Variants in SYNDIG1L observed in about 807,000 individuals in gnomAD.
SYNDIG1L encodes synapse differentiation inducing 1 like.
A neutral mutation model predicts 20.1 loss-of-function variants in SYNDIG1L; 13 were observed. The observed-to-expected ratio is 0.65, with a 90% confidence interval of 0.42 to 1.03. The LOEUF is 1.03. SYNDIG1L is among the 50% of genes least tolerant of loss of function. The pLI, the probability that SYNDIG1L is intolerant of heterozygous loss-of-function variation, is 0.00. For missense variants in SYNDIG1L, 294 were observed against 305.1 expected, an observed-to-expected ratio of 0.96 and a Z score of 0.27; for synonymous variants, 128 against 129.3, an observed-to-expected ratio of 0.99 and a Z score of 0.07.
At chr14:74,462,680 A>AT in the SYNDIG1L span, among the ~76,000 whole-genome samples, 2 of 151,494 alleles carry the variant, frequency 1.3e-5, no homozygotes, top group Admixed American at 6.6e-5. Flanking sequence ...TAATTTTTGT[A>AT]TTTTTTACAG....
chr14:74,474,112 G>C, the SYNDIG1L span: 34,421 of 152,100 alleles, frequency 0.23, 4,333 homozygotes, highest in African/African-American at 0.33. Context: ...GTATGAATAG[G>C]CTTTGTATTT....
At chr14:74,452,758 C>G in the SYNDIG1L span, among the ~76,000 whole-genome samples, 1 of 152,142 alleles carries the variant, frequency 6.6e-6, no homozygotes, top group African/African-American at 2.4e-5. Context: ...GAAAAGAAAG[C>G]ATAAGTCTGT....
At chr14:74,431,469 C>T in the SYNDIG1L span, among the ~76,000 whole-genome samples, 1 of 152,068 alleles carries the variant, frequency 6.6e-6, no homozygotes, top group East Asian at 1.9e-4. Context: ...AAAAAGAGTC[C>T]ATTTTGACTG....
At chr14:74,434,305 T>G in the SYNDIG1L span, among the ~76,000 whole-genome samples, 1 of 152,058 alleles carries the variant, frequency 6.6e-6, no homozygotes, top group Admixed American at 6.6e-5. Context: ...TGAAGACTCA[T>G]CCTCTCTCTC....
the SYNDIG1L span, among the ~76,000 whole-genome samples, chr14:74,475,139 A>ACAAATGCATGG: frequency 3.3e-5 from 5 of 152,216 alleles, no homozygotes; most frequent in East Asian, 9.7e-4. Flanking sequence ...AATTTGGAAG[A>ACAAATGCATGG]CAAATGCATG....
chr14:74,460,387 G>T, the SYNDIG1L span, among the ~76,000 whole-genome samples: 2 of 152,060 alleles, frequency 1.3e-5, no homozygotes. Context: ...CCACCAGCTT[G>T]GTCACTCTAC....
chr14:74,476,511 T>C, the SYNDIG1L span: 4 of 1,535,438 alleles, frequency 2.6e-6, no homozygotes, highest in Non-Finnish European at 2.6e-6. Context: ...AATCTCAGGC[T>C]CTTAGTCTCC....
the SYNDIG1L span, among the ~76,000 whole-genome samples, chr14:74,476,842 T>C: frequency 6.6e-6 from 1 of 152,124 alleles, no homozygotes; most frequent in Non-Finnish European, 1.5e-5. Flanking sequence ...ATTTAGTTGC[T>C]AGTCAACTGA....
the SYNDIG1L span, among the ~76,000 whole-genome samples, chr14:74,470,341 C>A: frequency 6.6e-6 from 1 of 152,192 alleles, no homozygotes; most frequent in Admixed American, 6.5e-5. Flanking sequence ...CCTTGGCTTG[C>A]TACATTTTGC....
the SYNDIG1L span, among the ~76,000 whole-genome samples, chr14:74,450,776 T>C: frequency 6.6e-6 from 1 of 152,192 alleles, no homozygotes; most frequent in Non-Finnish European, 1.5e-5. Flanking sequence ...AAAGAACTCT[T>C]GTAATTCAAT....
At chr14:74,429,570 C>T (rs1450100596), upstream of SYNDIG1L, among the ~76,000 whole-genome samples, 1 of 152,246 alleles carries the variant, frequency 6.6e-6, no homozygotes, top group Non-Finnish European at 1.5e-5. Context: ...GACAGGTGAG[C>T]CCCACCCCTG....
intron 1 of SYNDIG1L, among the ~76,000 whole-genome samples, chr14:74,413,650 T>C (rs2086151040): frequency 6.6e-6 from 1 of 152,028 alleles, no homozygotes; most frequent in Non-Finnish European, 1.5e-5. Flanking sequence ...CAGAAAAAAA[T>C]TAAGTGCATA....
chr14:74,442,149 C>T, the SYNDIG1L span, among the ~76,000 whole-genome samples: 1 of 151,876 alleles, frequency 6.6e-6, no homozygotes, highest in East Asian at 1.9e-4. Context: ...CTACAAATAT[C>T]TGTTGAATGT....
At chr14:74,415,838 G>A (rs150808827) in intron 1 of SYNDIG1L, among the ~76,000 whole-genome samples, 2 of 151,888 alleles carry the variant, frequency 1.3e-5, no homozygotes, top group East Asian at 1.9e-4. Flanking sequence ...TCAAAAAGGA[G>A]GCAAGAAAAA....
chr14:74,446,250 C>G, the SYNDIG1L span, among the ~76,000 whole-genome samples: 1 of 152,020 alleles, frequency 6.6e-6, no homozygotes, highest in African/African-American at 2.4e-5. Flanking sequence ...AGAGAAACAG[C>G]CTAAATATTC....
At chr14:74,453,375 AAAAAAAAAAAAAAAAAGAAG>A in the SYNDIG1L span, among the ~76,000 whole-genome samples, 2 of 116,244 alleles carry the variant, frequency 1.7e-5, no homozygotes, top group Non-Finnish European at 1.8e-5. Context: ...AAAAAAAAAA[AAAAAAAAAAAAAAAAAGAAG>A]AAGAAGAAGA....
chr14:74,449,115 C>T, the SYNDIG1L span, among the ~76,000 whole-genome samples: 1 of 151,724 alleles, frequency 6.6e-6, no homozygotes, highest in Non-Finnish European at 1.5e-5. Flanking sequence ...TGCCTATAGT[C>T]TCAGCTACTT....
chr14:74,442,888 G>T, the SYNDIG1L span, among the ~76,000 whole-genome samples: 1 of 152,260 alleles, frequency 6.6e-6, no homozygotes, highest in East Asian at 1.9e-4. Context: ...TAATTGAATG[G>T]TTGATGGTGC....
upstream of SYNDIG1L, among the ~76,000 whole-genome samples, chr14:74,428,671 T>C (rs1206830656): frequency 6.6e-6 from 1 of 151,978 alleles, no homozygotes; most frequent in African/African-American, 2.4e-5. Flanking sequence ...TATTAAAGGA[T>C]GAGACAGTCA....
Sources: allele counts gnomAD v4.1 joint callset (sites outside exome capture counted in the v4.1 genomes callset), GRCh38; gene constraint gnomAD v4.1.1; transcripts MANE v1.5; gene names NCBI Gene and HGNC (gene_info 2026-07-23, HGNC 2026-07-21).